Variants in VCAN observed in about 807,000 individuals in gnomAD.
The protein encoded by VCAN is versican core protein.
In VCAN, 44 loss-of-function variants were observed where a neutral mutation model predicts 245.5. That is an observed-to-expected ratio of 0.18 (90% confidence interval 0.14 to 0.23). The LOEUF (loss-of-function observed/expected upper bound fraction) is 0.23. Ranked by LOEUF, VCAN falls within the 10% of genes least tolerant of loss-of-function variation. VCAN has a pLI of 1.00. For missense variants in VCAN, 3,793 were observed against 4,057.9 expected (o/e 0.93, Z 1.77); for synonymous variants, 1,413 against 1,437.0 (o/e 0.98, Z 0.38).
In VCAN at chr5:83,551,589, G is replaced by T. The variant is rs113809682; in HGVS notation, c.9494-1775G>T. Among the ~76,000 whole-genome samples the T allele has an allele frequency of 3.6e-3, 550 of 152,156 alleles. 3 individuals carry two copies. Among genetic ancestry groups the T allele is most frequent in the African/African-American group, 0.012 (510 of 41,532 alleles). On this transcript the variant is annotated intron_variant, in intron 10 of 14. Transcript: ENST00000265077. ...ATTGGGTTAATAGCAGATAAAAAAG[G>T]GTATGTAGAAAAGTTTTTTCTGATG... is the stretch of plus-strand genomic sequence containing the variant.
chr5:83,482,912 T>G (rs1328137656), intron 1 of VCAN, among the ~76,000 whole-genome samples: 1 of 152,244 alleles, frequency 6.6e-6, no homozygotes, highest in Non-Finnish European at 1.5e-5. Flanking sequence ...ATAATACATT[T>G]GTTTTGTTTG....
At chr5:83,565,388 A>G (rs907211961) in intron 12 of VCAN, among the ~76,000 whole-genome samples, 4 of 102,768 alleles carry the variant, frequency 3.9e-5, no homozygotes, top group African/African-American at 8.1e-5. Flanking sequence ...TGTATGTGTA[A>G]GGGTGTGTGT....
intron 1 of VCAN, among the ~76,000 whole-genome samples, chr5:83,472,437 G>A (rs974707189): frequency 6.6e-6 from 1 of 152,100 alleles, no homozygotes; most frequent in Admixed American, 6.5e-5. Flanking sequence ...AGTTTGAATG[G>A]GGACTACCAA....
Position 83,521,528 on chromosome 5 carries a change from A to G in VCAN, c.3222A>G (p.Thr1074=). ...DEQEGDGSAY[T]VSEDELLTGS... ...AAGAGGGCGATGGATCAGCATATAC[A>G]GTCTCTGAAGATGAATTGTTGACAG... Residue 1074 remains threonine (T), a synonymous_variant, in exon 7 of 15, where the codon ACA becomes ACG. Coordinates refer to ENST00000265077, the MANE Select transcript of VCAN (RefSeq NM_004385.5). 2.5e-6 allele frequency: 4 copies of G among 1,614,070 alleles called. No homozygotes were observed. Among genetic ancestry groups the G allele is most frequent in the Non-Finnish European group, 3.4e-6 (4 of 1,180,006 alleles).
Position 83,553,540 on chromosome 5 carries a change from A to G in VCAN, c.9652+18A>G. On this transcript the variant is annotated intron_variant, in intron 11 of 14. Transcript: ENST00000265077. ...TGTTAATCGTATGTACCAAATAGAT[A>G]CGAGTTTCCAGGAACTTCACTTCTC... The G allele has an allele frequency of 6.2e-7, 1 of 1,613,804 alleles. No individual in the cohort carries two copies. Among genetic ancestry groups the G allele is most frequent in the Admixed American group, 1.7e-5 (1 of 60,018 alleles).
Position 83,490,244 on chromosome 5 carries a change from A to G in VCAN, c.217A>G (p.Lys73Glu). 1 of 1,614,200 alleles carries G rather than the reference A, an allele frequency of 6.2e-7. No homozygotes were observed. Among genetic ancestry groups the G allele is most frequent in the Non-Finnish European group, 8.5e-7 (1 of 1,180,024 alleles). The change falls in exon 3 of 15, where the codon AAA (lysine) becomes GAA (glutamate). Residue 73 changes from lysine (K) to glutamate (E), a missense_variant. Coordinates refer to ENST00000265077, the MANE Select transcript of VCAN (RefSeq NM_004385.5). ...CAAATGGTCTAAGATTGAAGTGGAC[A>G]AAAATGGAAAAGATTTGAAAGAGAC... Reference protein sequence around the residue: ...RIKWSKIEVDKNGKDLKETTV... With the variant: ...RIKWSKIEVDENGKDLKETTV...
intron 6 of VCAN, among the ~76,000 whole-genome samples, chr5:83,514,268 CT>C (rs779668540): frequency 0.086 from 13,054 of 152,008 alleles, 736 homozygotes; most frequent in South Asian, 0.2. Flanking sequence ...TGGCTAGATT[CT>C]TATTTATTTC....
Position 83,539,950 on chromosome 5 carries a change from C to CTCAAACAGACATCTT in VCAN, c.6949_6963dup (p.Gln2317_Phe2321dup). Reference sequence around the variant, plus strand: ...GCAAAAGAAGTTGGACCACTCGTATCTCAAACAGACATCTTTGAAGGTAGT... The same window carrying CTCAAACAGACATCTT: ...GCAAAAGAAGTTGGACCACTCGTATCTCAAACAGACATCTTTCAAACAGACATCTTTGAAGGTAGT... On this transcript the variant is annotated inframe_insertion, in exon 8 of 15. Coordinates refer to ENST00000265077, the MANE Select transcript of VCAN (RefSeq NM_004385.5). The CTCAAACAGACATCTT allele has an allele frequency of 2.5e-6, 4 of 1,614,142 alleles. No homozygotes were observed. The highest frequency in any genetic ancestry group is 3.4e-6 in the Non-Finnish European group (4 of 1,180,014).
chr5:83,485,058 A>G (rs907212367), intron 2 of VCAN, among the ~76,000 whole-genome samples: 1 of 152,164 alleles, frequency 6.6e-6, no homozygotes, highest in African/African-American at 2.4e-5. Context: ...ACTCCCTATG[A>G]TCCAGGAACT....
chr5:83,483,184 T>A (rs1481193652), intron 1 of VCAN, among the ~76,000 whole-genome samples: 1 of 152,226 alleles, frequency 6.6e-6, no homozygotes, highest in Non-Finnish European at 1.5e-5. Context: ...TTACTTGAAC[T>A]GTGGTCTCTG....
intron 12 of VCAN, among the ~76,000 whole-genome samples, chr5:83,570,357 C>T (rs752449495): frequency 6.6e-6 from 1 of 152,022 alleles, no homozygotes; most frequent in Non-Finnish European, 1.5e-5. Flanking sequence ...TAGCAGTGAT[C>T]TCTTGTCTCA....
At chr5:83,552,463 C>T (rs1309477205) in intron 10 of VCAN, among the ~76,000 whole-genome samples, 3 of 152,106 alleles carry the variant, frequency 2.0e-5, no homozygotes, top group Non-Finnish European at 4.4e-5. Flanking sequence ...ATGAGCAATT[C>T]TGTGGGAAGA....
chr5:83,530,659 T>C (rs1746482661), intron 7 of VCAN, among the ~76,000 whole-genome samples: 2 of 152,162 alleles, frequency 1.3e-5, no homozygotes, highest in African/African-American at 2.4e-5. Flanking sequence ...TTCATTGAGG[T>C]CAGTGTTTCA....
At position 83,537,462 on chromosome 5, in the gene VCAN, C is replaced by T; in HGVS notation, c.4459C>T (p.Pro1487Ser). 6.2e-7 allele frequency: 1 copy of T among 1,613,854 alleles called. No homozygotes were observed. Among genetic ancestry groups the T allele is most frequent in the Non-Finnish European group, 8.5e-7 (1 of 1,179,926 alleles). The stretch of plus-strand genomic sequence containing the variant: ...AGTTACATGGAAGCCTGAGACTTAC[C>T]CTGAAACATCAGAACATTTTTCAGG... ...LEVTWKPETY[P>S]ETSEHFSGGE... The change falls in exon 8 of 15, where the codon CCT (proline) becomes TCT (serine). Residue 1487 changes from proline to serine, a missense_variant. By Grantham distance (74) the Pro-to-Ser change is moderately conservative. Transcript: ENST00000265077.
chr5:83,572,406 A>G lies in VCAN; in HGVS notation c.9736-10A>G. The G allele has an allele frequency of 6.2e-7, 1 of 1,613,702 alleles. No individual in the cohort carries two copies. The highest frequency in any genetic ancestry group is 8.5e-7 in the Non-Finnish European group (1 of 1,179,786). On this transcript the variant is annotated splice_polypyrimidine_tract_variant and intron_variant, in intron 12 of 14. Coordinates refer to ENST00000265077, the MANE Select transcript of VCAN (RefSeq NM_004385.5). The stretch of plus-strand genomic sequence containing the variant: ...TAGCAAGTAGTTACCTTCTCCCTCC[A>G]TTTTTACAGCAATACGAGAATTGGA...
chr5:83,539,344 C>T lies in VCAN; in HGVS notation c.6341C>T (p.Thr2114Ile). Reference protein sequence around the residue: ...NPVRQEIESETTSEEQIQEEK... With the variant: ...NPVRQEIESEITSEEQIQEEK... ...GTAAGACAAGAAATTGAAAGTGAAA[C>T]AACATCAGAGGAACAAATTCAAGAA... Residue 2114 changes from threonine to isoleucine, a missense_variant, in exon 8 of 15, where the codon ACA becomes ATA. By Grantham distance (89) the Thr-to-Ile change is moderately conservative. This residue lies in a region of VCAN where 3,182 missense variants were observed against 3,250.3 expected (regional missense o/e 0.98). Transcript: ENST00000265077. 6.2e-7 allele frequency: 1 copy of T among 1,614,066 alleles called. No individual in the cohort carries two copies. Among genetic ancestry groups the T allele is most frequent in the Non-Finnish European group, 8.5e-7 (1 of 1,179,968 alleles).
chr5:83,551,199 T>C (rs1189673661), intron 10 of VCAN, among the ~76,000 whole-genome samples: 1 of 151,992 alleles, frequency 6.6e-6, no homozygotes, highest in Non-Finnish European at 1.5e-5. Context: ...GAAAAATACT[T>C]AATGATAAAC....
At chr5:83,475,503 T>C (rs552181973) in intron 1 of VCAN, among the ~76,000 whole-genome samples, 1 of 152,236 alleles carries the variant, frequency 6.6e-6, no homozygotes, top group East Asian at 1.9e-4. Flanking sequence ...AAATAGGATG[T>C]TGTGAGTGTA....
chr5:83,565,508 C>A (rs1020001733), intron 12 of VCAN, among the ~76,000 whole-genome samples: 1 of 151,750 alleles, frequency 6.6e-6, no homozygotes, highest in South Asian at 2.1e-4. Context: ...TATGAAAATT[C>A]TGTCTCTTTT....
Sources: gnomAD v4.1 joint callset for allele counts (sites outside exome capture counted in the v4.1 genomes callset) on GRCh38, gnomAD v4.1.1 for gene constraint, gnomAD v4.1.1 regional missense constraint, MANE v1.5 for transcripts, NCBI Gene and HGNC (gene_info 2026-07-23, HGNC 2026-07-21) for gene names.